The following CLSTN1 variants were observed in gnomAD, a reference collection of about 807,000 sequenced individuals.
The protein encoded by CLSTN1 is calsyntenin-1.
In CLSTN1, 28 loss-of-function variants were observed where a neutral mutation model predicts 108.3. The ratio of observed to expected loss-of-function variants is 0.26; its 90% CI spans 0.19 to 0.35. CLSTN1 has a LOEUF of 0.35. Among genes scored for constraint, CLSTN1 ranks in the 10% least tolerant of loss-of-function variants. The pLI is 1.00. For missense variants in CLSTN1, 1,157 were observed against 1,302.6 expected (o/e 0.89, Z 1.72); for synonymous variants, 524 against 534.9 (o/e 0.98, Z 0.28).
chr1:9,759,731 T>C (rs150767695), intron 2 of CLSTN1, among the ~76,000 whole-genome samples: 1 of 152,352 alleles, frequency 6.6e-6, no homozygotes, highest in East Asian at 1.9e-4. Context: ...AAGCTTAAAA[T>C]AGTCCCTATC....
At chr1:9,753,231 TACC>T (rs1179882394) in intron 4 of CLSTN1, among the ~76,000 whole-genome samples, 1 of 152,186 alleles carries the variant, frequency 6.6e-6, no homozygotes, top group Admixed American at 6.5e-5. Context: ...GAGAATCTGA[TACC>T]GCTGCTGATG....
intron 1 of CLSTN1, among the ~76,000 whole-genome samples, chr1:9,780,572 G>T (rs919369754): frequency 1.3e-5 from 2 of 152,172 alleles, no homozygotes. Context: ...AGTAGAATGA[G>T]ATCTGGCCAG....
At chr1:9,774,493 G>C (rs1652841945) in intron 1 of CLSTN1, among the ~76,000 whole-genome samples, 1 of 151,746 alleles carries the variant, frequency 6.6e-6, no homozygotes, top group Non-Finnish European at 1.5e-5. Flanking sequence ...CTGAACCTGG[G>C]AGGTGGAGGT....
At chr1:9,822,925 A>C (rs546255598) in intron 1 of CLSTN1, among the ~76,000 whole-genome samples, 74 of 152,334 alleles carry the variant, frequency 4.9e-4, no homozygotes, top group Admixed American at 1.1e-3. Flanking sequence ...GGGGTAGCAG[A>C]GACGGAGATT....
intron 18 of CLSTN1, 112 bp downstream of exon 18, chr1:9,731,094 C>T: frequency 7.9e-7 from 1 of 1,273,116 alleles, no homozygotes; most frequent in Non-Finnish European, 1.1e-6. Context: ...GCTTGCTGAG[C>T]AGATGACGCG....
chr1:9,782,173 T>C (rs1653280905), intron 1 of CLSTN1, among the ~76,000 whole-genome samples: 2 of 152,210 alleles, frequency 1.3e-5, no homozygotes, highest in Non-Finnish European at 2.9e-5. Context: ...CATTTTTGTA[T>C]TGAGTAAAAA....
At chr1:9,757,244 G>GTT (rs774259645) in intron 2 of CLSTN1, among the ~76,000 whole-genome samples, 20 of 140,444 alleles carry the variant, frequency 1.4e-4, no homozygotes, top group Non-Finnish European at 1.4e-4. Context: ...GGAGCAAAAG[G>GTT]TTTTTTTTTT....
chr1:9,764,066 G>A (rs1056045527), intron 2 of CLSTN1, among the ~76,000 whole-genome samples: 1 of 151,968 alleles, frequency 6.6e-6, no homozygotes, highest in Non-Finnish European at 1.5e-5. Context: ...GGAAGGCCAA[G>A]GGGAATCGTG....
At chr1:9,749,406 G>C in intron 7 of CLSTN1, 55 bp downstream of exon 7, 1 of 1,463,122 alleles carries the variant, frequency 6.8e-7, no homozygotes, top group Non-Finnish European at 9.3e-7. Context: ...AGTTGTAAAG[G>C]TCCCTCCCAC....
chr1:9,757,027 C>T (rs1000635688), intron 2 of CLSTN1, among the ~76,000 whole-genome samples: 3 of 151,646 alleles, frequency 2.0e-5, no homozygotes, highest in African/African-American at 7.3e-5. Context: ...ATCCGCCCAC[C>T]TCGGCCTCCC....
At chr1:9,777,588 C>T (rs1333740845) in intron 1 of CLSTN1, among the ~76,000 whole-genome samples, 1 of 152,150 alleles carries the variant, frequency 6.6e-6, no homozygotes, top group Admixed American at 6.6e-5. Flanking sequence ...AAAACAAACA[C>T]ATTATATAAT....
rs1195222600 is a variant in CLSTN1, at chr1:9,751,637, G to A, written c.485C>T (p.Pro162Leu). ...TTTGTAGGACTTCTCCTTGAACACGGGCGCGTACTCATTCACGTCGTTCAC... is the reference window on the plus strand; with the variant it reads ...TTTGTAGGACTTCTCCTTGAACACGAGCGCGTACTCATTCACGTCGTTCAC... ...IQVNDVNEYA[P>L]VFKEKSYKAT... The change falls in exon 5 of 19, where the codon CCC (proline) becomes CTC (leucine). Residue 162 changes from proline (P) to leucine (L), a missense_variant. Pro to Leu is a moderately conservative substitution (Grantham distance 98). Transcript: ENST00000377298. 2.5e-6 allele frequency: 4 copies of A among 1,614,150 alleles called. No individual in the cohort carries two copies. The highest frequency in any genetic ancestry group is 3.4e-6 in the Non-Finnish European group (4 of 1,180,036).
At chr1:9,820,780 G>A (rs1655162759) in intron 1 of CLSTN1, among the ~76,000 whole-genome samples, 1 of 152,078 alleles carries the variant, frequency 6.6e-6, no homozygotes, top group Admixed American at 6.6e-5. Context: ...GGAAACAGAC[G>A]ATAAACAATT....
At position 9,772,140 on chromosome 1, in the gene CLSTN1, CTTT is replaced by C. The variant is rs57522417; in HGVS notation, c.214+1129_214+1131del. Among the ~76,000 whole-genome samples, 283 of 30,928 alleles carry C rather than the reference CTTT, an allele frequency of 9.2e-3. 8 individuals are homozygous for C. Among genetic ancestry groups the C allele is most frequent in the African/African-American group, 0.036 (243 of 6,828 alleles). The allele number at this position is 30,928 out of a possible 152,430, so 20.3% of individuals were successfully genotyped here. A position where few individuals can be genotyped will look rare whatever the true frequency, so the allele number is the denominator to read the frequency against. ...TACAGGCGCCCACCACCACACCCGG[CTTT>C]TTTTTTTTTTTTTTTTTTTTTTTAG... On this transcript the variant is annotated intron_variant, in intron 2 of 18. Coordinates refer to ENST00000377298, the MANE Select transcript of CLSTN1 (RefSeq NM_001009566.3).
chr1:9,778,620 T>C (rs991312079), intron 1 of CLSTN1, among the ~76,000 whole-genome samples: 3 of 152,184 alleles, frequency 2.0e-5, no homozygotes, highest in East Asian at 1.9e-4. Flanking sequence ...GGACTTAATA[T>C]GAAATCAAAC....
At chr1:9,740,275 G>C (rs1281131695) in intron 10 of CLSTN1, among the ~76,000 whole-genome samples, 2 of 151,104 alleles carry the variant, frequency 1.3e-5, no homozygotes, top group African/African-American at 4.9e-5. Flanking sequence ...GGCCAGGCTG[G>C]TCTCGAACTC....
chr1:9,758,229 G>A lies in CLSTN1; in HGVS notation c.215-1719C>T, dbSNP rs572508348. On this transcript the variant is annotated intron_variant, in intron 2 of 18. Coordinates refer to ENST00000377298, the MANE Select transcript of CLSTN1 (RefSeq NM_001009566.3). ...GCTGGTCTCGAACTCCTGGCATCAG[G>A]TGATCCGCCCGCCTCGGCCTCCCAA... 1.6e-4 allele frequency among the ~76,000 whole-genome samples: 25 copies of A among 152,248 alleles called. No individual in the cohort carries two copies. In the South Asian group the frequency reaches 5.2e-3, roughly 32 times the overall value.
intron 1 of CLSTN1, among the ~76,000 whole-genome samples, chr1:9,808,640 G>C (rs1384770663): frequency 6.6e-6 from 1 of 152,016 alleles, no homozygotes; most frequent in Non-Finnish European, 1.5e-5. Flanking sequence ...TTCAGCAAGG[G>C]GCCAGTTCGG....
intron 1 of CLSTN1, among the ~76,000 whole-genome samples, chr1:9,802,210 GACA>G (rs1654303225): frequency 6.6e-6 from 1 of 152,146 alleles, no homozygotes; most frequent in Non-Finnish European, 1.5e-5. Flanking sequence ...CTCTTGCAGT[GACA>G]ACATTTAGGC....
Sources: gnomAD v4.1 joint callset for allele counts (sites outside exome capture counted in the v4.1 genomes callset) on GRCh38, gnomAD v4.1.1 for gene constraint, MANE v1.5 for transcripts, NCBI Gene and HGNC (gene_info 2026-07-23, HGNC 2026-07-21) for gene names.